AGAP1: variants seen among roughly 807,000 people sequenced by gnomAD.
The protein encoded by AGAP1 is arf-GAP with GTPase, ANK repeat and PH domain-containing protein 1.
In AGAP1, 29 loss-of-function variants were observed where a neutral mutation model predicts 105.3. The observed-to-expected ratio is 0.28, with a 90% CI of 0.21 to 0.38. The LOEUF (loss-of-function observed/expected upper bound fraction) is 0.38. Ranked by LOEUF, AGAP1 falls within the 10% of genes least tolerant of loss-of-function variation. The pLI, the probability that AGAP1 is intolerant of heterozygous loss-of-function variation, is 1.00. For synonymous variants in AGAP1, 509 were observed against 485.9 expected (o/e 1.05, Z -0.63); for missense variants, 998 against 1,165.1 (o/e 0.86, Z 2.09).
At chr2:235,497,906 T>C (rs1363464486) in intron 1 of AGAP1, among the ~76,000 whole-genome samples, 1 of 152,098 alleles carries the variant, frequency 6.6e-6, no homozygotes, top group Non-Finnish European at 1.5e-5. Flanking sequence ...GGGCACTTCT[T>C]AACGTTATGA....
intron 1 of AGAP1, among the ~76,000 whole-genome samples, chr2:235,511,312 C>T (rs569303162): frequency 6.6e-6 from 1 of 152,130 alleles, no homozygotes; most frequent in East Asian, 1.9e-4. Flanking sequence ...AGAGGTGTGT[C>T]TACCTGTGTG....
chr2:235,862,348 T>A (rs968506439), intron 9 of AGAP1, among the ~76,000 whole-genome samples: 1 of 152,230 alleles, frequency 6.6e-6, no homozygotes, highest in African/African-American at 2.4e-5. Flanking sequence ...GTCATCGTCA[T>A]CAAAGTGGCG....
chr2:236,059,897 C>T (rs1168898631), intron 16 of AGAP1, among the ~76,000 whole-genome samples: 1 of 152,098 alleles, frequency 6.6e-6, no homozygotes, highest in Non-Finnish European at 1.5e-5. Context: ...TCAAGACCAG[C>T]CTGGCCAACA....
intron 1 of AGAP1, among the ~76,000 whole-genome samples, chr2:235,548,546 G>A (rs528017714): frequency 8.6e-5 from 13 of 152,024 alleles, no homozygotes; most frequent in South Asian, 2.1e-4. Context: ...CTAGCTCCTC[G>A]GGAGGCTGAG....
At position 235,887,227 on chromosome 2, in the gene AGAP1, C is replaced by T. The variant is rs2050313105; in HGVS notation, c.1155+3778C>T. ...AGAAGGACCACTGAGAGTCATTGGC[C>T]ACATGCAGTGGTGGCATAAGTGGTC... On this transcript the variant is annotated intron_variant, in intron 10 of 17. Transcript: ENST00000304032. This position sits in a 1 kb window ranked among gnomAD's most constrained non-coding sequence, Gnocchi z 4.1. 6.6e-6 allele frequency among the ~76,000 whole-genome samples: 1 copy of T among 152,132 alleles called. No homozygotes were observed. The highest frequency in any genetic ancestry group is 1.5e-5 in the Non-Finnish European group (1 of 68,026).
chr2:235,661,902 G>T (rs1287260917), intron 1 of AGAP1, among the ~76,000 whole-genome samples: 2 of 152,186 alleles, frequency 1.3e-5, no homozygotes, highest in Admixed American at 1.3e-4. Context: ...GGGATGGAAA[G>T]GATGCATGAC....
intron 12 of AGAP1, among the ~76,000 whole-genome samples, chr2:235,947,541 C>T (rs2053552899): frequency 6.6e-6 from 1 of 152,212 alleles, no homozygotes; most frequent in Non-Finnish European, 1.5e-5. Context: ...TATAAACATG[C>T]ATGTGCAAGT....
rs1309580131 is a variant in AGAP1 at position 236,113,537 on chromosome 2, G to A, written c.2115-6655G>A. ...TCCTTAAGCCCACACTAAGTGCTCC[G>A]GTTACATGGAGATTACACCTTGCCA... On this transcript the variant is annotated intron_variant, in intron 16 of 17. Transcript: ENST00000304032. The surrounding 1 kb of genome is among the most constrained non-coding windows in gnomAD (Gnocchi z 4.3). Among the ~76,000 whole-genome samples the A allele has an allele frequency of 2.0e-5, 3 of 152,214 alleles. No individual in the cohort carries two copies. Among genetic ancestry groups the A allele is most frequent in the South Asian group, 2.1e-4 (1 of 4,832 alleles).
At chr2:236,111,138 G>A (rs534688979) in intron 16 of AGAP1, among the ~76,000 whole-genome samples, 4 of 152,288 alleles carry the variant, frequency 2.6e-5, no homozygotes, top group Middle Eastern at 3.4e-3. Context: ...GATTTGGGGT[G>A]ACACAAACAC....
rs753410260 is a variant in AGAP1 at position 235,968,598 on chromosome 2, C to T, written c.1620C>T (p.Ala540=). Reference sequence around the variant, plus strand: ...AGAAAAGCACTAGCAACTTCAAAGCCGACGGCCTGTCCGGCACTGCTGAAG... The same window carrying T: ...AGAAAAGCACTAGCAACTTCAAAGCTGACGGCCTGTCCGGCACTGCTGAAG... ...RRKKSTSNFK[A]DGLSGTAEEQ... is the part of the protein sequence containing the mutation. Residue 540 remains alanine (A), a synonymous_variant, in exon 13 of 18, where the codon GCC becomes GCT. Transcript: ENST00000304032. 6.9e-6 allele frequency: 11 copies of T among 1,596,122 alleles called. No homozygotes were observed. In the Admixed American group the frequency reaches 1.4e-4, roughly 20 times the overall value.
At chr2:235,943,276 T>G (rs1348768955) in intron 12 of AGAP1, among the ~76,000 whole-genome samples, 2 of 152,104 alleles carry the variant, frequency 1.3e-5, no homozygotes, top group African/African-American at 2.4e-5. Flanking sequence ...TAGAATAACA[T>G]TGGTCAAATC....
At chr2:236,048,381 C>A (rs1424287235) in intron 15 of AGAP1, among the ~76,000 whole-genome samples, 3 of 152,236 alleles carry the variant, frequency 2.0e-5, no homozygotes, top group Non-Finnish European at 2.9e-5. Context: ...AGCCCAAAGC[C>A]TGTCACCATT....
Position 235,608,348 on chromosome 2 carries a change from G to A in AGAP1, c.164-100831G>A, listed in dbSNP as rs990690811. Among the ~76,000 whole-genome samples the A allele has an allele frequency of 6.6e-6, 1 of 152,208 alleles. No homozygotes were observed. The highest frequency in any genetic ancestry group is 1.5e-5 in the Non-Finnish European group (1 of 68,042). On this transcript the variant is annotated intron_variant, in intron 1 of 17. Coordinates refer to ENST00000304032, the MANE Select transcript of AGAP1 (RefSeq NM_001037131.3). The surrounding 1 kb of genome is among the most constrained non-coding windows in gnomAD (Gnocchi z 5.4). The stretch of plus-strand genomic sequence containing the variant: ...TTTTTCCCCCAAGTAATCTGGCTCT[G>A]GGAGGAAACTCGCTGATTGGAGACT...
intron 1 of AGAP1, among the ~76,000 whole-genome samples, chr2:235,534,149 C>T (rs1008685735): frequency 8.5e-5 from 13 of 152,186 alleles, no homozygotes; most frequent in South Asian, 2.1e-4. Context: ...AGCAGCGTGG[C>T]GTGTTCGGAT....
intron 9 of AGAP1, among the ~76,000 whole-genome samples, chr2:235,814,099 C>T (rs564531252): frequency 1.3e-5 from 2 of 152,284 alleles, no homozygotes; most frequent in African/African-American, 4.8e-5. Context: ...TTTTTATAGG[C>T]ACAGGATGGG....
chr2:235,528,354 C>A (rs1574772596), intron 1 of AGAP1, among the ~76,000 whole-genome samples: 1 of 139,230 alleles, frequency 7.2e-6, no homozygotes, highest in Non-Finnish European at 1.6e-5. Context: ...AGGCCCCCTC[C>A]CCCTCCCCCG....
rs1559258909 is a variant in AGAP1, at chr2:235,573,044, T to TTCTTC, written c.163+78195_163+78196insTCTTC. Among the ~76,000 whole-genome samples the TTCTTC allele has an allele frequency of 8.9e-4, 14 of 15,664 alleles. 1 individual carries two copies. The highest frequency in any genetic ancestry group is 4.8e-3 in the African/African-American group (13 of 2,692). The allele number at this position is 15,664 out of a possible 152,430, so 10.3% of individuals were successfully genotyped here. On this transcript the variant is annotated intron_variant, in intron 1 of 17. Transcript: ENST00000304032. Reference sequence around the variant, plus strand: ...TTCTTCTTCTTCTTCTTCTTCTTCTTCTTCTTCTTCTTCTTCTTTCTTCTT... The same window carrying TTCTTC: ...TTCTTCTTCTTCTTCTTCTTCTTCTTTCTTCCTTCTTCTTCTTCTTCTTTCTTCTT...
rs1456842297 is a variant in AGAP1 at position 236,104,920 on chromosome 2, G to C, written c.2115-15272G>C. Among the ~76,000 whole-genome samples the C allele has an allele frequency of 1.3e-5, 2 of 152,088 alleles. No individual in the cohort carries two copies. The highest frequency in any genetic ancestry group is 2.4e-5 in the African/African-American group (1 of 41,414). ...GTCTCAAGGAAAAAAAAAAGGACTA[G>C]CGTGCACAGAGCCCTCGAGGTACCA... On this transcript the variant is annotated intron_variant, in intron 16 of 17. Transcript: ENST00000304032. This position sits in a 1 kb window ranked among gnomAD's most constrained non-coding sequence, Gnocchi z 4.7.
chr2:235,933,626 G>A (rs1486008777), intron 12 of AGAP1, among the ~76,000 whole-genome samples: 1 of 149,942 alleles, frequency 6.7e-6, no homozygotes, highest in Non-Finnish European at 1.5e-5. Context: ...TCCGCCTCCC[G>A]GACTCAAGCA....
Sources: gnomAD v4.1 joint callset for allele counts (sites outside exome capture counted in the v4.1 genomes callset) on GRCh38, gnomAD v4.1.1 for gene constraint, Gnocchi (gnomAD v3.1) non-coding constraint, MANE v1.5 for transcripts, NCBI Gene and HGNC (gene_info 2026-07-23, HGNC 2026-07-21) for gene names.